Variants in DCLK2 observed in about 807,000 individuals in gnomAD.
DCLK2 encodes doublecortin like kinase 2.
In DCLK2, 31 loss-of-function variants were observed where a neutral mutation model predicts 78.4. The ratio of observed to expected loss-of-function variants is 0.40; its 90% confidence interval spans 0.30 to 0.53. The LOEUF (loss-of-function observed/expected upper bound fraction) is 0.53. Ranked by LOEUF, DCLK2 falls within the 20% of genes least tolerant of loss-of-function variation. The probability of loss-of-function intolerance (pLI) is 0.61; values close to 1 mark genes in which losing one functional copy is unlikely to be tolerated. For synonymous variants in DCLK2, 407 were observed against 374.9 expected (o/e 1.09, Z -0.99); for missense variants, 872 against 973.7 (o/e 0.90, Z 1.39).
chr4:150,199,827 G>C (rs1000135856), intron 4 of DCLK2, among the ~76,000 whole-genome samples: 1 of 152,184 alleles, frequency 6.6e-6, no homozygotes, highest in Non-Finnish European at 1.5e-5. Flanking sequence ...TAGCTTTACA[G>C]ATGCTTATTA....
chr4:150,153,397 C>T (rs1735029123), intron 2 of DCLK2, among the ~76,000 whole-genome samples: 1 of 151,886 alleles, frequency 6.6e-6, no homozygotes, highest in Non-Finnish European at 1.5e-5. Context: ...TGTGCACTGT[C>T]CTCTACTTGA....
chr4:150,127,162 G>GT (rs1425208574), intron 2 of DCLK2, among the ~76,000 whole-genome samples: 5 of 152,242 alleles, frequency 3.3e-5, no homozygotes, highest in African/African-American at 1.2e-4. Flanking sequence ...TGCCTTCTAG[G>GT]TTTCTCCACC....
chr4:150,204,482 G>C (rs1349819439), intron 5 of DCLK2, among the ~76,000 whole-genome samples: 1 of 152,254 alleles, frequency 6.6e-6, no homozygotes, highest in South Asian at 2.1e-4. Flanking sequence ...ATAGAGATGA[G>C]CAAAACCAAT....
chr4:150,195,468 T>C (rs1470504325), intron 3 of DCLK2, among the ~76,000 whole-genome samples: 1 of 88,564 alleles, frequency 1.1e-5, no homozygotes, highest in East Asian at 2.8e-4. Flanking sequence ...TATTATATAT[T>C]ATATATATTA....
chr4:150,118,682 G>C (rs540344986), intron 2 of DCLK2, among the ~76,000 whole-genome samples: 1 of 152,052 alleles, frequency 6.6e-6, no homozygotes, highest in Non-Finnish European at 1.5e-5. Flanking sequence ...ATCCCACTCT[G>C]CTTCTTAAAG....
intron 12 of DCLK2, among the ~76,000 whole-genome samples, chr4:150,245,118 G>T (rs1743205299): frequency 6.6e-6 from 1 of 152,186 alleles, no homozygotes; most frequent in Non-Finnish European, 1.5e-5. Flanking sequence ...AATAATCTTA[G>T]ATGTATTCTG....
intron 2 of DCLK2, among the ~76,000 whole-genome samples, chr4:150,168,307 A>G (rs1369291983): frequency 6.6e-6 from 1 of 151,198 alleles, no homozygotes; most frequent in Non-Finnish European, 1.5e-5. Flanking sequence ...AGATCGTGTC[A>G]CTGCATTCCA....
chr4:150,191,537 C>T (rs1370654359), intron 2 of DCLK2, among the ~76,000 whole-genome samples: 2 of 152,112 alleles, frequency 1.3e-5, no homozygotes, highest in Admixed American at 6.5e-5. Context: ...GGATGACTCC[C>T]TGAATTCTAG....
chr4:150,102,350 A>G, intron 1 of DCLK2, 128 bp from the exon 2 acceptor site: 1 of 790,378 alleles, frequency 1.3e-6, no homozygotes, highest in South Asian at 1.9e-5. Flanking sequence ...GAAAAGGGTG[A>G]ACATCCCCTT....
intron 2 of DCLK2, among the ~76,000 whole-genome samples, chr4:150,160,251 C>G (rs1735609676): frequency 6.6e-6 from 1 of 152,134 alleles, no homozygotes; most frequent in Non-Finnish European, 1.5e-5. Flanking sequence ...CTCCTGAGCT[C>G]AAGCAATCCA....
rs577501462 is a variant in DCLK2, at chr4:150,130,388, G to A, written c.756+27576G>A. ...AAGAAATAGAATGCAAACAGGGCTAGAACTGGGGAGACTGAAGTAGAGAGA... is the reference window on the plus strand; with the variant it reads ...AAGAAATAGAATGCAAACAGGGCTAAAACTGGGGAGACTGAAGTAGAGAGA... On this transcript the variant is annotated intron_variant, in intron 2 of 15. Transcript: ENST00000296550. Among the ~76,000 whole-genome samples the A allele has an allele frequency of 1.8e-3, 279 of 152,232 alleles. 2 individuals are homozygous for A. Among genetic ancestry groups the A allele is most frequent in the African/African-American group, 6.4e-3 (265 of 41,510 alleles).
chr4:150,083,180 C>T (rs1025836110), intron 1 of DCLK2, among the ~76,000 whole-genome samples: 4 of 152,186 alleles, frequency 2.6e-5, no homozygotes, highest in Non-Finnish European at 5.9e-5. Context: ...GATGAGGCTG[C>T]ACATGTCCAG....
At chr4:150,196,627 C>CTATG (rs1458968519) in intron 3 of DCLK2, among the ~76,000 whole-genome samples, 2 of 151,242 alleles carry the variant, frequency 1.3e-5, no homozygotes, top group African/African-American at 4.9e-5. Flanking sequence ...TATAACAAGC[C>CTATG]TATGATGTAA....
At chr4:150,112,195 T>C (rs1731743686) in intron 2 of DCLK2, among the ~76,000 whole-genome samples, 1 of 152,170 alleles carries the variant, frequency 6.6e-6, no homozygotes, top group African/African-American at 2.4e-5. Flanking sequence ...TTAAGCATAT[T>C]CCTAGGTATT....
At chr4:150,135,221 G>A (rs72730355) in intron 2 of DCLK2, among the ~76,000 whole-genome samples, 17,303 of 147,304 alleles carry the variant, frequency 0.12, 1,710 homozygotes, top group South Asian at 0.42. Flanking sequence ...GGTTGTATTT[G>A]AGAAAAGCTT....
intron 2 of DCLK2, among the ~76,000 whole-genome samples, chr4:150,143,147 G>A (rs773026155): frequency 5.3e-5 from 8 of 152,122 alleles, no homozygotes; most frequent in Non-Finnish European, 7.3e-5. Flanking sequence ...GTATTTCATA[G>A]TGTGTGTGTT....
At chr4:150,102,953 ATGTG>A (rs10598187) in intron 2 of DCLK2, 141 bp downstream of exon 2, 204 of 660,588 alleles carry the variant, frequency 3.1e-4, no homozygotes, top group South Asian at 4.2e-4. Flanking sequence ...GTGTGTGTGT[ATGTG>A]TGTGTGTGTG....
intron 2 of DCLK2, among the ~76,000 whole-genome samples, chr4:150,164,672 A>C (rs1580628583): frequency 6.6e-6 from 1 of 152,012 alleles, no homozygotes; most frequent in East Asian, 1.9e-4. Context: ...GGTGGTGCAC[A>C]CCTGTAGTCC....
At chr4:150,099,619 C>G (rs1007818154) in intron 1 of DCLK2, among the ~76,000 whole-genome samples, 3 of 152,188 alleles carry the variant, frequency 2.0e-5, no homozygotes, top group Admixed American at 1.3e-4. Flanking sequence ...TGTGCTGAAC[C>G]TATGTGCTGT....
Sources: gnomAD v4.1 joint callset for allele counts (sites outside exome capture counted in the v4.1 genomes callset) on GRCh38, gnomAD v4.1.1 for gene constraint, MANE v1.5 for transcripts, NCBI Gene and HGNC (gene_info 2026-07-23, HGNC 2026-07-21) for gene names.